The following LMF1 variants were observed in gnomAD, a reference collection of about 807,000 sequenced individuals.
LMF1 encodes the protein transmembrane protein 112.
In LMF1, 68 loss-of-function variants were observed where a neutral mutation model predicts 60.6. The ratio of observed to expected loss-of-function variants is 1.12; its 90% confidence interval spans 0.92 to 1.37. LMF1 has a LOEUF of 1.37. Among genes scored for constraint, LMF1 ranks in the 40% most tolerant of loss-of-function variants. The pLI, the probability that LMF1 is intolerant of heterozygous loss-of-function variation, is 0.00. For missense variants in LMF1, 948 were observed against 767.2 expected (o/e 1.24, Z -2.78); for synonymous variants, 418 against 324.7 (o/e 1.29, Z -3.09).
At chr16:937,058 T>TTACCC in intron 2 of LMF1, among the ~76,000 whole-genome samples, 5 of 152,298 alleles carry the variant, frequency 3.3e-5, no homozygotes, top group Middle Eastern at 3.4e-3. Context: ...ACAAGCGTTG[T>TTACCC]GCAGAGAAGG....
chr16:863,403 A>G (rs1391729667), intron 10 of LMF1, among the ~76,000 whole-genome samples: 3 of 152,134 alleles, frequency 2.0e-5, no homozygotes, highest in Non-Finnish European at 4.4e-5. Flanking sequence ...TGGCCTCCCA[A>G]AGTGCGGTGA....
chr16:863,257 C>T (rs1003620603), intron 10 of LMF1, among the ~76,000 whole-genome samples: 2 of 152,188 alleles, frequency 1.3e-5, no homozygotes, highest in Non-Finnish European at 2.9e-5. Flanking sequence ...TCTCGTGTTT[C>T]AGCCTCCCAA....
In LMF1 at chr16:878,854, G is replaced by A. The variant is rs868412672; in HGVS notation, c.897+716C>T. On this transcript the variant is annotated intron_variant, in intron 6 of 10. Transcript: ENST00000262301. This position sits in a 1 kb window ranked among gnomAD's most constrained non-coding sequence, Gnocchi z 5.2. Reference sequence around the variant, plus strand: ...GACCTGTGCATTTTCCTGGCTGTATGTTACACCTCCATTGAAACAATCGAG... The same window carrying A: ...GACCTGTGCATTTTCCTGGCTGTATATTACACCTCCATTGAAACAATCGAG... Among the ~76,000 whole-genome samples, 38 of 152,324 alleles carry A rather than the reference G, an allele frequency of 2.5e-4. No individual in the cohort carries two copies. Among genetic ancestry groups the A allele is most frequent in the African/African-American group, 8.7e-4 (36 of 41,562 alleles).
At chr16:928,919 C>T (rs1727280454) in intron 3 of LMF1, among the ~76,000 whole-genome samples, 1 of 152,198 alleles carries the variant, frequency 6.6e-6, no homozygotes, top group African/African-American at 2.4e-5. Context: ...CCTTGGGAAC[C>T]TGTTGGTCTT....
intron 10 of LMF1, among the ~76,000 whole-genome samples, chr16:863,753 C>A (rs548482187): frequency 5.9e-5 from 9 of 152,244 alleles, no homozygotes; most frequent in Non-Finnish European, 7.3e-5. Context: ...CCCACCTCAG[C>A]CTCCTGAGTA....
intron 10 of LMF1, among the ~76,000 whole-genome samples, chr16:867,673 G>T (rs1012256143): frequency 1.3e-5 from 2 of 152,186 alleles, no homozygotes; most frequent in Non-Finnish European, 2.9e-5. Context: ...CCCTGAGGGC[G>T]CCAGCTAGGA....
Position 970,815 on chromosome 16 carries a change from G to A in LMF1, c.166C>T (p.Leu56Phe). The A allele has an allele frequency of 1.3e-6, 2 of 1,543,178 alleles. No individual in the cohort carries two copies. Among genetic ancestry groups the A allele is most frequent in the East Asian group, 2.5e-5 (1 of 39,900 alleles). The change falls in exon 1 of 11, where the codon CTC (leucine) becomes TTC (phenylalanine). Residue 56 changes from leucine (L) to phenylalanine (F), a missense_variant. Coordinates refer to ENST00000262301, the MANE Select transcript of LMF1 (RefSeq NM_022773.4). ...TACACGAAGGCTAGGGCCTTCAGGAGCACGATCCGGGTCAGCCAGAAGGTG... is the reference window on the plus strand; with the variant it reads ...TACACGAAGGCTAGGGCCTTCAGGAACACGATCCGGGTCAGCCAGAAGGTG... ...TGTFWLTRIV[L>F]LKALAFVYFV...
At chr16:939,633 C>T (rs8062823) in intron 2 of LMF1, among the ~76,000 whole-genome samples, 9,729 of 152,316 alleles carry the variant, frequency 0.064, 417 homozygotes, top group African/African-American at 0.12. Context: ...ACTCTCCACG[C>T]GGCCTCTGCC....
intron 3 of LMF1, among the ~76,000 whole-genome samples, chr16:921,728 C>T (rs1276850660): frequency 4.6e-5 from 7 of 152,228 alleles, no homozygotes; most frequent in Admixed American, 6.5e-5. Context: ...GCTGAAGCAC[C>T]GACGCAGGGA....
intron 4 of LMF1, among the ~76,000 whole-genome samples, chr16:893,534 C>A (rs4984708): frequency 0.38 from 57,534 of 152,050 alleles, 11,990 homozygotes; most frequent in African/African-American, 0.54. Flanking sequence ...CAAAGGGAGC[C>A]GAGGCGCAGG....
At chr16:872,332 G>A (rs888315727) in intron 6 of LMF1, 3 of 152,310 alleles carry the variant, frequency 2.0e-5, no homozygotes, top group Non-Finnish European at 4.4e-5. Flanking sequence ...CAGGGACATC[G>A]ACGTCTAATG....
At chr16:902,300 A>T (rs994747690) in intron 4 of LMF1, 1 of 152,480 alleles carries the variant, frequency 6.6e-6, no homozygotes, top group African/African-American at 2.4e-5. Context: ...CTGGCCTGGC[A>T]TTCTCCCTGA....
In LMF1 at chr16:976,671, G is replaced by A. The variant is rs139972893; in HGVS notation, c.-135+4474C>T. 1.5e-4 allele frequency: 67 copies of A among 454,108 alleles called. 1 individual carries two copies. The East Asian group carries it at 3.8e-3, about 25-fold the overall frequency. 28.1% of individuals were successfully genotyped at this position (454,108 alleles called of 1,614,324 possible). A position where few individuals can be genotyped will look rare whatever the true frequency, so the allele number is the denominator to read the frequency against. On this transcript the variant is annotated intron_variant, in intron 1 of 6. Coordinates refer to the LMF1 transcript ENST00000570014. ...CCACCCCCACACTGAGAGTGGAGAC[G>A]GATAGGCCCAGCCAGAAGCTTGGGG...
chr16:911,124 C>T (rs1329444436), intron 3 of LMF1, 45 bp from the exon 4 acceptor site: 2 of 1,584,304 alleles, frequency 1.3e-6, no homozygotes, highest in East Asian at 2.3e-5. Context: ...GGAAGCCACA[C>T]ATTTCACAAA....
chr16:976,756 C>A (rs932792857), intron 1 of LMF1: 1 of 454,172 alleles, frequency 2.2e-6, no homozygotes, highest in Non-Finnish European at 4.4e-6. Context: ...GTTCCCGACA[C>A]ATCCGTGATC....
At chr16:854,953 AG>A in intron 10 of LMF1, 2 of 571,124 alleles carry the variant, frequency 3.5e-6, no homozygotes, top group Non-Finnish European at 3.1e-6. Context: ...CAGCTCCGGG[AG>A]GGGAGACCCA....
At chr16:971,809 A>G (rs375434003), upstream of LMF1, among the ~76,000 whole-genome samples, 3 of 152,340 alleles carry the variant, frequency 2.0e-5, no homozygotes. Context: ...TTGGAGACCT[A>G]GGGGTTAGTG....
At chr16:873,617 CTGTT>C (rs2069876219) in intron 6 of LMF1, 1 of 39,764 alleles carries the variant, frequency 2.5e-5, no homozygotes, top group African/African-American at 9.3e-5. Flanking sequence ...GAGGACATGC[CTGTT>C]CGCGGGGACC....
chr16:933,997 G>A, intron 3 of LMF1: 1 of 1,474,604 alleles, frequency 6.8e-7, no homozygotes. Context: ...ACACCTGTGA[G>A]ATGCCGACAA....
Sources: gnomAD v4.1 joint callset for allele counts (sites outside exome capture counted in the v4.1 genomes callset) on GRCh38, gnomAD v4.1.1 for gene constraint, Gnocchi (gnomAD v3.1) non-coding constraint, MANE v1.5 for transcripts, NCBI Gene and HGNC (gene_info 2026-07-23, HGNC 2026-07-21) for gene names.